Variants in CDH4 observed in about 807,000 individuals in gnomAD.
CDH4 encodes the protein cadherin-4.
In CDH4, 33 loss-of-function variants were observed where a neutral mutation model predicts 86.0. The ratio of observed to expected loss-of-function variants is 0.38; its 90% CI spans 0.29 to 0.51. The LOEUF (loss-of-function observed/expected upper bound fraction) is 0.51, where lower values mean the gene tolerates loss of function less well. Ranked by LOEUF, CDH4 falls within the 20% of genes least tolerant of loss-of-function variation. The probability of loss-of-function intolerance (pLI) is 0.86; values close to 1 mark genes in which losing one functional copy is unlikely to be tolerated. For synonymous variants in CDH4, 555 were observed against 549.4 expected (o/e 1.01, Z -0.14); for missense variants, 1,114 against 1,307.4 (o/e 0.85, Z 2.28).
At chr20:61,756,534 C>G (rs961637591) in intron 3 of CDH4, among the ~76,000 whole-genome samples, 1 of 140,942 alleles carries the variant, frequency 7.1e-6, no homozygotes, top group African/African-American at 2.6e-5. Context: ...CCTGGCCCAT[C>G]ACCCCATCCC....
chr20:61,760,877 G>C lies in CDH4; in HGVS notation c.397-12126G>C, dbSNP rs57050004. On this transcript the variant is annotated intron_variant, in intron 3 of 15. Coordinates refer to ENST00000614565, the MANE Select transcript of CDH4 (RefSeq NM_001794.5). ...AAAAAAATCCACTAAGTGCCTTTTC[G>C]GAATGAAACTCATGCAAATGCTGAC... Among the ~76,000 whole-genome samples, 940 of 152,280 alleles carry C rather than the reference G, an allele frequency of 6.2e-3. 9 individuals carry two copies. The highest frequency in any genetic ancestry group is 0.022 in the African/African-American group (897 of 41,548).
At chr20:61,443,269 T>G (rs1019397417) in intron 2 of CDH4, among the ~76,000 whole-genome samples, 2 of 152,218 alleles carry the variant, frequency 1.3e-5, no homozygotes, top group African/African-American at 4.8e-5. Context: ...TCCAGAGTCT[T>G]CCTTGTTATG....
At chr20:61,813,390 G>A (rs996743542) in intron 4 of CDH4, among the ~76,000 whole-genome samples, 2 of 152,200 alleles carry the variant, frequency 1.3e-5, no homozygotes, top group African/African-American at 2.4e-5. Flanking sequence ...TGCCCCACAT[G>A]TGCTGATAGC....
chr20:61,300,563 G>A (rs901440463), intron 2 of CDH4, among the ~76,000 whole-genome samples: 1 of 152,190 alleles, frequency 6.6e-6, no homozygotes, highest in Non-Finnish European at 1.5e-5. Context: ...CCTCGCTGCT[G>A]TCTTCGCTTC....
intron 2 of CDH4, chr20:61,717,761 G>T (rs6061331): frequency 0.12 from 18,995 of 152,288 alleles, 1,686 homozygotes; most frequent in African/African-American, 0.25. Context: ...GTGCTGGGAT[G>T]ACAGGCGTGA....
chr20:61,877,194 G>A (rs73145115), intron 7 of CDH4, among the ~76,000 whole-genome samples: 256 of 152,208 alleles, frequency 1.7e-3, no homozygotes, highest in Admixed American at 2.6e-3. Context: ...ATGGCAGCTC[G>A]GCCAAGGGAG....
intron 2 of CDH4, among the ~76,000 whole-genome samples, chr20:61,642,813 C>T (rs982761548): frequency 1.3e-5 from 2 of 152,254 alleles, no homozygotes; most frequent in East Asian, 1.9e-4. Context: ...TTCCTCAGCT[C>T]GTAGCTCCTT....
At position 61,419,742 on chromosome 20, in the gene CDH4, G is replaced by T. The variant is rs562938984; in HGVS notation, c.169+164805G>T. On this transcript the variant is annotated intron_variant, in intron 2 of 15. Coordinates refer to ENST00000614565, the MANE Select transcript of CDH4 (RefSeq NM_001794.5). ...GTATACACCCCATTCCCTGTGTCTG[G>T]CCAATTCCATCTAACCCTCAGGCCT... Among the ~76,000 whole-genome samples the T allele has an allele frequency of 8.9e-4, 135 of 152,200 alleles. 1 individual carries two copies. The highest frequency in any genetic ancestry group is 3.0e-3 in the African/African-American group (125 of 41,532).
intron 2 of CDH4, among the ~76,000 whole-genome samples, chr20:61,381,233 G>A (rs545498336): frequency 6.6e-6 from 1 of 152,298 alleles, no homozygotes; most frequent in South Asian, 2.1e-4. Context: ...TCACCAGGAC[G>A]TTTGTGATTG....
intron 2 of CDH4, among the ~76,000 whole-genome samples, chr20:61,630,263 G>A (rs1334748861): frequency 6.6e-6 from 1 of 152,310 alleles, no homozygotes; most frequent in East Asian, 1.9e-4. Context: ...CTTCTGTACT[G>A]TGACCTCATG....
chr20:61,360,720 G>C (rs949925507), intron 2 of CDH4, among the ~76,000 whole-genome samples: 2 of 152,132 alleles, frequency 1.3e-5, no homozygotes, highest in African/African-American at 2.4e-5. Flanking sequence ...CATGGGTCAT[G>C]GGGGTTTCTG....
intron 5 of CDH4, among the ~76,000 whole-genome samples, chr20:61,848,241 AAAG>A (rs1318317443): frequency 6.6e-6 from 1 of 152,222 alleles, no homozygotes. Flanking sequence ...GCTGGCCATG[AAAG>A]AAGATGAGGG....
chr20:61,834,720 C>T (rs1981786599), intron 4 of CDH4, among the ~76,000 whole-genome samples: 1 of 113,838 alleles, frequency 8.8e-6, no homozygotes, highest in Non-Finnish European at 2.3e-5. Context: ...CTGCCTATCC[C>T]CGCAGCCTCA....
At chr20:61,751,482 G>C (rs554810749) in intron 3 of CDH4, among the ~76,000 whole-genome samples, 3 of 152,308 alleles carry the variant, frequency 2.0e-5, no homozygotes, top group South Asian at 4.1e-4. Context: ...CTTCATGGAC[G>C]TATAACTCTC....
chr20:61,857,988 T>G (rs1416450684), intron 6 of CDH4, among the ~76,000 whole-genome samples: 1 of 151,992 alleles, frequency 6.6e-6, no homozygotes, highest in Non-Finnish European at 1.5e-5. Context: ...TGTCTGAGTG[T>G]GTGTGTCTCT....
At chr20:61,389,599 C>T (rs1035955558) in intron 2 of CDH4, among the ~76,000 whole-genome samples, 2 of 152,206 alleles carry the variant, frequency 1.3e-5, no homozygotes, top group Non-Finnish European at 2.9e-5. Flanking sequence ...AGAACGCCTC[C>T]CAGCGTCTTC....
intron 1 of CDH4, among the ~76,000 whole-genome samples, chr20:61,253,544 G>A (rs1226876343): frequency 1.3e-5 from 2 of 151,954 alleles, no homozygotes; most frequent in African/African-American, 4.8e-5. Context: ...GGCCCGCTCC[G>A]AGGCCGCGGG....
intron 2 of CDH4, among the ~76,000 whole-genome samples, chr20:61,471,934 CTTGAGGATGATTTATG>C (rs1411091132): frequency 6.6e-6 from 1 of 151,806 alleles, no homozygotes; most frequent in Non-Finnish European, 1.5e-5. Context: ...ATCATCTGTC[CTTGAGGATGATTTATG>C]TTATGAAGAG....
chr20:61,921,206 C>T (rs1408789325), intron 9 of CDH4, among the ~76,000 whole-genome samples: 1 of 136,756 alleles, frequency 7.3e-6, no homozygotes, highest in Non-Finnish European at 1.5e-5. Context: ...GTCGTGATTG[C>T]ATGGAAGCAC....
Sources: allele counts gnomAD v4.1 joint callset (sites outside exome capture counted in the v4.1 genomes callset), GRCh38; gene constraint gnomAD v4.1.1; transcripts MANE v1.5; gene names NCBI Gene and HGNC (gene_info 2026-07-23, HGNC 2026-07-21).